Variants in RBMS1 observed in about 807,000 individuals in gnomAD.
The protein encoded by RBMS1 is RNA-binding motif, single-stranded-interacting protein 1.
In RBMS1, 17 loss-of-function variants were observed where a neutral mutation model predicts 62.3. That is an observed-to-expected ratio of 0.27 (90% CI 0.19 to 0.41). The LOEUF is 0.41. Among genes scored for constraint, RBMS1 ranks in the 10% least tolerant of loss-of-function variants. RBMS1 has a pLI of 1.00. For synonymous variants in RBMS1, 172 were observed against 170.0 expected (o/e 1.01, Z -0.09); for missense variants, 334 against 504.5 (o/e 0.66, Z 3.24).
At chr2:160,376,943 C>T (rs1021759275) in intron 1 of RBMS1, among the ~76,000 whole-genome samples, 4 of 152,172 alleles carry the variant, frequency 2.6e-5, no homozygotes, top group African/African-American at 9.7e-5. Flanking sequence ...GCTGGGACTA[C>T]AGGCATGAGC....
chr2:160,380,977 G>A (rs1694258710), intron 1 of RBMS1, among the ~76,000 whole-genome samples: 1 of 152,128 alleles, frequency 6.6e-6, no homozygotes, highest in Admixed American at 6.5e-5. Context: ...ATCCTGCCTG[G>A]ATATGTTTTT....
intron 2 of RBMS1, among the ~76,000 whole-genome samples, chr2:160,359,688 C>T (rs548179915): frequency 3.9e-5 from 6 of 152,268 alleles, no homozygotes; most frequent in South Asian, 2.1e-4. Flanking sequence ...AGGGTAAAAG[C>T]TGATTAAGCA....
At chr2:160,341,419 G>C (rs1691868676) in intron 2 of RBMS1, among the ~76,000 whole-genome samples, 1 of 152,104 alleles carries the variant, frequency 6.6e-6, no homozygotes, top group African/African-American at 2.4e-5. Flanking sequence ...GGAGAGCCCT[G>C]AGTCCCGGCA....
intron 1 of RBMS1, among the ~76,000 whole-genome samples, chr2:160,451,728 C>T (rs953089300): frequency 4.6e-5 from 7 of 152,012 alleles, no homozygotes; most frequent in African/African-American, 1.7e-4. Flanking sequence ...CCTGCCTCAG[C>T]CACCCGAGTA....
chr2:160,383,108 G>A (rs555232683), intron 1 of RBMS1, among the ~76,000 whole-genome samples: 7 of 152,286 alleles, frequency 4.6e-5, no homozygotes, highest in Non-Finnish European at 7.4e-5. Context: ...GAACTGGGTA[G>A]ATTAAAACAA....
intron 1 of RBMS1, among the ~76,000 whole-genome samples, chr2:160,368,406 C>G (rs916070020): frequency 6.6e-6 from 1 of 152,182 alleles, no homozygotes; most frequent in African/African-American, 2.4e-5. Flanking sequence ...AGGTTCAAAT[C>G]TCATGGCTTG....
chr2:160,458,809 A>AAC (rs1684349835), intron 1 of RBMS1, among the ~76,000 whole-genome samples: 1 of 152,054 alleles, frequency 6.6e-6, no homozygotes, highest in South Asian at 2.1e-4. Flanking sequence ...AAAAAAAAAA[A>AAC]AAATCTCCAA....
At chr2:160,297,355 G>C (rs543259941) in intron 6 of RBMS1, among the ~76,000 whole-genome samples, 3 of 152,280 alleles carry the variant, frequency 2.0e-5, no homozygotes, top group Admixed American at 2.0e-4. Context: ...CTGCAAATCA[G>C]ATCAGAAGAC....
intron 1 of RBMS1, among the ~76,000 whole-genome samples, chr2:160,484,416 A>AC (rs1404621204): frequency 1.3e-5 from 2 of 150,390 alleles, no homozygotes; most frequent in Non-Finnish European, 1.5e-5. Flanking sequence ...AATGGCGTGA[A>AC]CCCGGGAGGC....
At chr2:160,398,360 G>A (rs985659466) in intron 1 of RBMS1, among the ~76,000 whole-genome samples, 1 of 152,118 alleles carries the variant, frequency 6.6e-6, no homozygotes, top group Non-Finnish European at 1.5e-5. Context: ...AATGAAATTT[G>A]CCATATAACA....
At chr2:160,456,619 G>A (rs1684243537) in intron 1 of RBMS1, among the ~76,000 whole-genome samples, 1 of 152,176 alleles carries the variant, frequency 6.6e-6, no homozygotes, top group East Asian at 1.9e-4. Flanking sequence ...ATGCTCTACT[G>A]TAAAACAGCC....
At chr2:160,429,389 A>G (rs1296243224) in intron 1 of RBMS1, among the ~76,000 whole-genome samples, 1 of 152,238 alleles carries the variant, frequency 6.6e-6, no homozygotes, top group Non-Finnish European at 1.5e-5. Flanking sequence ...CATGTCAGCC[A>G]TCTTATTAAG....
At chr2:160,424,309 G>A (rs1025260630) in intron 1 of RBMS1, among the ~76,000 whole-genome samples, 22 of 147,938 alleles carry the variant, frequency 1.5e-4, no homozygotes, top group African/African-American at 3.8e-4. Context: ...ATGAGCCACC[G>A]CACCCAGCCA....
chr2:160,363,615 A>C (rs6755940), intron 2 of RBMS1, among the ~76,000 whole-genome samples: 93,245 of 151,972 alleles, frequency 0.61, 29,551 homozygotes, highest in Middle Eastern at 0.77. Context: ...GAATCCACAA[A>C]ACTTAGTGAC....
chr2:160,378,611 T>TTA (rs1694120402), intron 1 of RBMS1, among the ~76,000 whole-genome samples: 2 of 132,062 alleles, frequency 1.5e-5, no homozygotes, highest in South Asian at 5.0e-4. Context: ...AGTAAGACTC[T>TTA]ATCTATAAAA....
intron 2 of RBMS1, among the ~76,000 whole-genome samples, chr2:160,340,885 C>T (rs1691832838): frequency 6.6e-6 from 1 of 152,096 alleles, no homozygotes; most frequent in Non-Finnish European, 1.5e-5. Flanking sequence ...TACCTTTAAG[C>T]CAACTTAAAT....
chr2:160,410,959 G>A (rs1696007489), intron 1 of RBMS1, among the ~76,000 whole-genome samples: 1 of 152,176 alleles, frequency 6.6e-6, no homozygotes, highest in Non-Finnish European at 1.5e-5. Flanking sequence ...GGCCAGGATG[G>A]TCTCGATCTC....
chr2:160,467,198 G>C (rs1450036497), intron 1 of RBMS1, among the ~76,000 whole-genome samples: 1 of 151,274 alleles, frequency 6.6e-6, no homozygotes, highest in Admixed American at 6.6e-5. Flanking sequence ...GATCATATGG[G>C]GGTAAAAAGA....
chr2:160,491,358 G>A (rs1028730914), intron 1 of RBMS1, among the ~76,000 whole-genome samples: 12 of 152,200 alleles, frequency 7.9e-5, no homozygotes, highest in African/African-American at 2.9e-4. Context: ...AAAATGTTTT[G>A]AGAATGTCAT....
Sources: allele counts gnomAD v4.1 joint callset (sites outside exome capture counted in the v4.1 genomes callset), GRCh38; gene constraint gnomAD v4.1.1; transcripts MANE v1.5; gene names NCBI Gene and HGNC (gene_info 2026-07-23, HGNC 2026-07-21).